Variants in MKLN1 observed in about 807,000 individuals in gnomAD.
MKLN1 encodes muskelin 1, also known as muskelin.
In MKLN1, 18 loss-of-function variants were observed where a neutral mutation model predicts 99.0. The ratio of observed to expected loss-of-function variants is 0.18; its 90% CI spans 0.13 to 0.27. The LOEUF (loss-of-function observed/expected upper bound fraction) is 0.27, where lower values mean the gene tolerates loss of function less well. Among genes scored for constraint, MKLN1 ranks in the 10% least tolerant of loss-of-function variants. MKLN1 has a pLI of 1.00. For synonymous variants in MKLN1, 288 were observed against 293.2 expected (o/e 0.98, Z 0.18); for missense variants, 621 against 875.9 (o/e 0.71, Z 3.67).
chr7:131,146,985 G>A (rs1054927584), intron 2 of MKLN1, among the ~76,000 whole-genome samples: 3 of 152,088 alleles, frequency 2.0e-5, no homozygotes, highest in Non-Finnish European at 4.4e-5. Flanking sequence ...GCAAAGAACA[G>A]AAAGGAAATG....
intron 3 of MKLN1, among the ~76,000 whole-genome samples, chr7:131,316,351 C>A (rs567361193): frequency 1.3e-5 from 2 of 152,164 alleles, no homozygotes; most frequent in Non-Finnish European, 2.9e-5. Context: ...AGCAGACTTG[C>A]AGAAGAGGGG....
At chr7:131,421,776 T>C (rs1795201163) in intron 8 of MKLN1, among the ~76,000 whole-genome samples, 1 of 152,124 alleles carries the variant, frequency 6.6e-6, no homozygotes, top group Admixed American at 6.5e-5. Context: ...AATTAAAAAG[T>C]TTGTGAAAAA....
intron 2 of MKLN1, among the ~76,000 whole-genome samples, chr7:131,177,266 G>A (rs1239701273): frequency 6.6e-6 from 1 of 152,022 alleles, no homozygotes; most frequent in African/African-American, 2.4e-5. Context: ...TCAGGAGTTC[G>A]AGACCAGCCA....
chr7:131,447,699 AT>A (rs1231561529), intron 12 of MKLN1, among the ~76,000 whole-genome samples: 1 of 152,242 alleles, frequency 6.6e-6, no homozygotes, highest in Non-Finnish European at 1.5e-5. Flanking sequence ...ATACAAGGCA[AT>A]CACAGTCTCT....
At chr7:131,309,313 G>T (rs1206494509) in intron 3 of MKLN1, among the ~76,000 whole-genome samples, 1 of 152,184 alleles carries the variant, frequency 6.6e-6, no homozygotes, top group East Asian at 1.9e-4. Flanking sequence ...TATAAGTAGA[G>T]AGTTTATTTG....
At chr7:131,397,238 C>A (rs1209320797) in intron 4 of MKLN1, 29 bp from the exon 5 acceptor site, 1 of 1,383,518 alleles carries the variant, frequency 7.2e-7, no homozygotes, top group African/African-American at 1.4e-5. Flanking sequence ...TAATATTTTT[C>A]TTCTTCTTTT....
At chr7:131,406,874 T>C (rs1794724494) in intron 6 of MKLN1, among the ~76,000 whole-genome samples, 1 of 152,092 alleles carries the variant, frequency 6.6e-6, no homozygotes, top group African/African-American at 2.4e-5. Flanking sequence ...TAATATAATC[T>C]TTTTCCCTCT....
intron 4 of MKLN1, among the ~76,000 whole-genome samples, chr7:131,395,529 G>A (rs984642763): frequency 6.4e-4 from 97 of 150,540 alleles, no homozygotes; most frequent in Admixed American, 1.9e-3. Flanking sequence ...GAGGCATACA[G>A]TGCACCTTGT....
Position 131,413,655 on chromosome 7 carries a change from TCAG to T in MKLN1, c.782-988_782-986del, listed in dbSNP as rs1794940062. On this transcript the variant is annotated intron_variant, in intron 7 of 17. Coordinates refer to ENST00000352689, the MANE Select transcript of MKLN1 (RefSeq NM_013255.5). ...CCTGAGTTCAAGTGATTCTCCTGCC[TCAG>T]CCTCCTGAGTAGCTGGGATTACAGG... Among the ~76,000 whole-genome samples, 3 of 152,128 alleles carry T rather than the reference TCAG, an allele frequency of 2.0e-5. No homozygotes were observed. In the South Asian group the frequency reaches 6.2e-4, roughly 32 times the overall value.
intron 2 of MKLN1, among the ~76,000 whole-genome samples, chr7:131,383,431 C>T (rs963213350): frequency 2.0e-5 from 3 of 152,150 alleles, no homozygotes; most frequent in Admixed American, 6.5e-5. Context: ...ATTCCCCACT[C>T]CAGTTAAGCC....
chr7:131,462,777 G>A (rs552601180), intron 12 of MKLN1, among the ~76,000 whole-genome samples: 2 of 152,300 alleles, frequency 1.3e-5, no homozygotes, highest in African/African-American at 2.4e-5. Context: ...TGTGTTAGAA[G>A]TTAAGTATGT....
intron 2 of MKLN1, among the ~76,000 whole-genome samples, chr7:131,383,208 A>G (rs1793905128): frequency 6.6e-6 from 1 of 152,166 alleles, no homozygotes; most frequent in African/African-American, 2.4e-5. Flanking sequence ...ATGGTCACAA[A>G]TTACACCTCC....
chr7:131,302,472 A>G (rs935892891), intron 3 of MKLN1, among the ~76,000 whole-genome samples: 7 of 152,270 alleles, frequency 4.6e-5, no homozygotes, highest in Admixed American at 2.0e-4. Context: ...TTCTGAGCCA[A>G]TTTCACTCTT....
At chr7:131,331,630 A>G (rs1322804153) in intron 1 of MKLN1, among the ~76,000 whole-genome samples, 1 of 152,088 alleles carries the variant, frequency 6.6e-6, no homozygotes, top group Non-Finnish European at 1.5e-5. Flanking sequence ...AATAATAATA[A>G]TGATGAGGAG....
At position 131,470,859 on chromosome 7, in the gene MKLN1, A is replaced by G; in HGVS notation, c.1946A>G (p.Gln649Arg). 1.9e-6 allele frequency: 3 copies of G among 1,611,114 alleles called. No homozygotes were observed. Among genetic ancestry groups the G allele is most frequent in the Non-Finnish European group, 2.5e-6 (3 of 1,177,418 alleles). Reference sequence around the variant, plus strand: ...TTTTCTAGGTTTGAAGAAAAGGCCCAAGTGGATCCCCTTAGTGCTCTGAAA... The same window carrying G: ...TTTTCTAGGTTTGAAGAAAAGGCCCGAGTGGATCCCCTTAGTGCTCTGAAA... The part of the protein sequence containing the change: ...IRKHRFEEKA[Q>R]VDPLSALKYL... Residue 649 changes from glutamine to arginine, a missense_variant, in exon 16 of 18, where the codon CAA (glutamine) becomes CGA (arginine). This residue lies in a region of MKLN1 where 126 missense variants were observed against 157.4 expected (regional missense o/e 0.80). Coordinates refer to ENST00000352689, the MANE Select transcript of MKLN1 (RefSeq NM_013255.5).
intron 8 of MKLN1, among the ~76,000 whole-genome samples, chr7:131,424,378 T>A (rs1795297438): frequency 6.6e-6 from 1 of 152,138 alleles, no homozygotes; most frequent in Non-Finnish European, 1.5e-5. Context: ...TCCTATACAG[T>A]GTCAGAGTGG....
chr7:131,380,655 G>C lies in MKLN1; in HGVS notation c.168+5162G>C, dbSNP rs966804361. 9.9e-5 allele frequency among the ~76,000 whole-genome samples: 15 copies of C among 152,264 alleles called. No homozygotes were observed. The South Asian group carries it at 1.7e-3, about 17-fold the overall frequency. On this transcript the variant is annotated intron_variant, in intron 2 of 17. Coordinates refer to ENST00000352689, the MANE Select transcript of MKLN1 (RefSeq NM_013255.5). ...TTAGTTTATTCTAATAAGCTGTTAT[G>C]TGACCTGCTTGTTTCAAATCACTTA...
chr7:131,387,093 A>T, intron 2 of MKLN1, 27 bp from the exon 3 acceptor site: 2 of 1,569,316 alleles, frequency 1.3e-6, no homozygotes, highest in South Asian at 1.2e-5. Flanking sequence ...ACAGAAGAGG[A>T]TATAATTTGG....
chr7:131,142,232 C>T (rs943940739), intron 1 of MKLN1, among the ~76,000 whole-genome samples: 6 of 152,024 alleles, frequency 3.9e-5, no homozygotes, highest in Non-Finnish European at 8.8e-5. Flanking sequence ...ATGGCAAAAC[C>T]CTGTCTCTAC....
Sources: gnomAD v4.1 joint callset for allele counts (sites outside exome capture counted in the v4.1 genomes callset) on GRCh38, gnomAD v4.1.1 for gene constraint, gnomAD v4.1.1 regional missense constraint, MANE v1.5 for transcripts, NCBI Gene and HGNC (gene_info 2026-07-23, HGNC 2026-07-21) for gene names.